Variants in UNC79 observed in about 807,000 individuals in gnomAD.
UNC79 encodes the protein protein unc-79 homolog.
In UNC79, 37 loss-of-function variants were observed where a neutral mutation model predicts 283.1. The observed-to-expected ratio is 0.13, with a 90% CI of 0.10 to 0.17. The LOEUF (loss-of-function observed/expected upper bound fraction) is 0.17. Among genes scored for constraint, UNC79 ranks in the 10% least tolerant of loss-of-function variants. The pLI, the probability that UNC79 is intolerant of heterozygous loss-of-function variation, is 1.00. For synonymous variants in UNC79, 1,107 were observed against 1,200.2 expected, an observed-to-expected ratio of 0.92 and a Z score of 1.61; for missense variants, 2,272 against 3,211.1, an observed-to-expected ratio of 0.71 and a Z score of 7.07.
At chr14:93,372,095 A>G (rs192151412) in intron 1 of UNC79, among the ~76,000 whole-genome samples, 15 of 152,364 alleles carry the variant, frequency 9.8e-5, no homozygotes, top group Non-Finnish European at 1.6e-4. Context: ...AATATAGGAC[A>G]GAAACTTGGA....
intron 43 of UNC79, 68 bp downstream of exon 46, chr14:93,686,729 G>T: frequency 6.4e-7 from 1 of 1,572,054 alleles, no homozygotes; most frequent in South Asian, 1.1e-5. Context: ...GAATTAAGCA[G>T]ACCATAGGGA....
At chr14:93,525,843 G>A (rs914281130) in intron 8 of UNC79, among the ~76,000 whole-genome samples, 1 of 151,996 alleles carries the variant, frequency 6.6e-6, no homozygotes, top group African/African-American at 2.4e-5. Context: ...ATGCTTTCTG[G>A]CCTCCTACTC....
intron 34 of UNC79, among the ~76,000 whole-genome samples, chr14:93,646,025 C>T (rs1471385085): frequency 6.6e-6 from 1 of 152,142 alleles, no homozygotes; most frequent in Non-Finnish European, 1.5e-5. Flanking sequence ...CATTCTCTTT[C>T]TATATGATAA....
intron 12 of UNC79, among the ~76,000 whole-genome samples, chr14:93,538,670 C>G (rs969962533): frequency 6.6e-6 from 1 of 151,980 alleles, no homozygotes. Context: ...GGGCGAATTA[C>G]CTGCATAGGA....
chr14:93,509,350 A>G (rs2059705207), intron 7 of UNC79, among the ~76,000 whole-genome samples: 1 of 152,078 alleles, frequency 6.6e-6, no homozygotes, highest in African/African-American at 2.4e-5. Flanking sequence ...TCAAAACACA[A>G]TCATGCCTTC....
exon 30 of UNC79, chr14:93,622,435 G>A (rs1467861198): frequency 6.2e-7 from 1 of 1,614,174 alleles, no homozygotes; most frequent in African/African-American, 1.3e-5. Context: ...AGCTGCCAGA[G>A]TTCTCCTGCG....
chr14:93,488,316 T>C (rs1465368101), intron 5 of UNC79, among the ~76,000 whole-genome samples: 3 of 152,226 alleles, frequency 2.0e-5, no homozygotes, highest in Non-Finnish European at 1.5e-5. Context: ...TTGTTTAGAT[T>C]TGTAGTTCTT....
intron 7 of UNC79, among the ~76,000 whole-genome samples, chr14:93,509,159 C>G (rs2059693133): frequency 6.6e-6 from 1 of 152,126 alleles, no homozygotes; most frequent in African/African-American, 2.4e-5. Flanking sequence ...TCTCTGAGCA[C>G]TCACTCACTA....
At chr14:93,607,527 G>C (rs970797947) in intron 26 of UNC79, among the ~76,000 whole-genome samples, 1 of 152,158 alleles carries the variant, frequency 6.6e-6, no homozygotes, top group African/African-American at 2.4e-5. Context: ...TGGTCTTAGG[G>C]TATTTCTGCC....
At chr14:93,568,402 G>A (rs186099559) in intron 14 of UNC79, among the ~76,000 whole-genome samples, 2 of 152,184 alleles carry the variant, frequency 1.3e-5, no homozygotes, top group East Asian at 3.9e-4. Context: ...GGCCAGGTGT[G>A]GGGGCTCACA....
intron 22 of UNC79, among the ~76,000 whole-genome samples, chr14:93,588,740 CAAAAAA>C (rs397745981): frequency 5.6e-5 from 1 of 17,758 alleles, no homozygotes; most frequent in Admixed American, 6.9e-4. Context: ...GACTCCGTCT[CAAAAAA>C]AAAAAAAAAA....
intron 48 of UNC79, among the ~76,000 whole-genome samples, chr14:93,705,938 G>C (rs2075849949): frequency 6.6e-6 from 1 of 152,206 alleles, no homozygotes; most frequent in African/African-American, 2.4e-5. Flanking sequence ...CCTGATTACG[G>C]CCTTGGTGCT....
At chr14:93,352,276 T>G (rs2139915916) in intron 1 of UNC79, among the ~76,000 whole-genome samples, 1 of 152,332 alleles carries the variant, frequency 6.6e-6, no homozygotes, top group Admixed American at 6.5e-5. Flanking sequence ...CTGCCAATTT[T>G]GAACTTACTT....
At chr14:93,377,093 TTTC>T (rs2054574588) in intron 1 of UNC79, among the ~76,000 whole-genome samples, 1 of 111,862 alleles carries the variant, frequency 8.9e-6, no homozygotes, top group Non-Finnish European at 1.7e-5. Context: ...AGAATAGTTG[TTTC>T]TTTTTTTTTT....
intron 35 of UNC79, among the ~76,000 whole-genome samples, chr14:93,648,193 G>T (rs2140284150): frequency 6.6e-6 from 1 of 152,348 alleles, no homozygotes; most frequent in East Asian, 1.9e-4. Flanking sequence ...CTGCTGTATG[G>T]CATTGCATCT....
At chr14:93,361,371 G>T (rs1208404262) in intron 1 of UNC79, among the ~76,000 whole-genome samples, 1 of 151,776 alleles carries the variant, frequency 6.6e-6, no homozygotes, top group Admixed American at 6.6e-5. Context: ...AAAAAAATTA[G>T]CTGGGCATGG....
Position 93,643,432 on chromosome 14 carries a change from G to A in UNC79, c.5904-125G>A. ...GAATCCTCTACTGATTACCAGAGTG[G>A]GGCTCCTGATCTCCTTTTGGAGACT... On this transcript the variant is annotated intron_variant, in intron 33 of 48. Transcript: ENST00000555664. 3.8e-6 allele frequency: 5 copies of A among 1,322,624 alleles called. No homozygotes were observed. The South Asian group carries it at 5.1e-5, about 13-fold the overall frequency. The allele number at this position is 1,322,624 out of a possible 1,614,324, so 81.9% of individuals were successfully genotyped here.
rs184701489 is a variant in UNC79, at chr14:93,518,148, A to G, written c.899-5830A>G. On this transcript the variant is annotated intron_variant, in intron 7 of 48. Coordinates refer to ENST00000555664, the Ensembl canonical transcript of UNC79. ...GTTGGAAAATGTTTTTTTCTCTTCT[A>G]ATTTCTGAAAGAGTTTATGTAAGAT... Among the ~76,000 whole-genome samples, 291 of 152,158 alleles carry G rather than the reference A, an allele frequency of 1.9e-3. 2 individuals are homozygous for G. Among genetic ancestry groups the G allele is most frequent in the African/African-American group, 6.6e-3 (276 of 41,552 alleles).
chr14:93,358,439 C>G (rs2054155734), intron 1 of UNC79, among the ~76,000 whole-genome samples: 1 of 152,150 alleles, frequency 6.6e-6, no homozygotes, highest in African/African-American at 2.4e-5. Flanking sequence ...GAATGAGAGT[C>G]TTATCTCCTG....
Sources: gnomAD v4.1 joint callset for allele counts (sites outside exome capture counted in the v4.1 genomes callset) on GRCh38, gnomAD v4.1.1 for gene constraint, MANE v1.5 for transcripts, NCBI Gene and HGNC (gene_info 2026-07-23, HGNC 2026-07-21) for gene names.